Variants in FOXP2 observed in about 807,000 individuals in gnomAD.
The protein encoded by FOXP2 is forkhead box P2.
In FOXP2, 12 loss-of-function variants were observed where a neutral mutation model predicts 115.8. The ratio of observed to expected loss-of-function variants is 0.10; its 90% CI spans 0.07 to 0.17. The LOEUF (loss-of-function observed/expected upper bound fraction) is 0.17, where lower values mean the gene tolerates loss of function less well. Ranked by LOEUF, FOXP2 falls within the 10% of genes least tolerant of loss-of-function variation. The probability of loss-of-function intolerance (pLI) is 1.00; values close to 1 mark genes in which losing one functional copy is unlikely to be tolerated. For missense variants in FOXP2, 629 were observed against 843.5 expected (o/e 0.75, Z 3.15); for synonymous variants, 328 against 297.7 (o/e 1.10, Z -1.05).
intron 1 of FOXP2, among the ~76,000 whole-genome samples, chr7:114,114,160 C>T (rs1422474226): frequency 1.3e-5 from 2 of 151,644 alleles, no homozygotes; most frequent in Admixed American, 6.6e-5. Flanking sequence ...CCTAATTTGC[C>T]TTTGTGATTA....
intron 1 of FOXP2, among the ~76,000 whole-genome samples, chr7:114,151,172 TC>T (rs1466352666): frequency 1.3e-5 from 2 of 151,816 alleles, no homozygotes. Context: ...AGACTTTCCT[TC>T]CCCCTTCCCA....
chr7:114,130,772 G>A (rs1791852758), intron 1 of FOXP2, among the ~76,000 whole-genome samples: 1 of 152,150 alleles, frequency 6.6e-6, no homozygotes, highest in African/African-American at 2.4e-5. Context: ...AGGTATTTGA[G>A]AAAATTGGGA....
intron 1 of FOXP2, among the ~76,000 whole-genome samples, chr7:114,269,211 T>C (rs373768109): frequency 6.6e-6 from 1 of 152,150 alleles, no homozygotes; most frequent in Admixed American, 6.5e-5. Flanking sequence ...CAATATATGG[T>C]TGAATATAAA....
intron 2 of FOXP2, among the ~76,000 whole-genome samples, chr7:114,475,150 T>A (rs1310411632): frequency 6.6e-6 from 1 of 152,092 alleles, no homozygotes; most frequent in East Asian, 1.9e-4. Context: ...GTATGCTACA[T>A]GACATTTATT....
chr7:114,198,397 T>C (rs771194280), intron 1 of FOXP2, among the ~76,000 whole-genome samples: 1 of 152,188 alleles, frequency 6.6e-6, no homozygotes, highest in African/African-American at 2.4e-5. Flanking sequence ...TCCATTTTCC[T>C]GGAAAACAGT....
chr7:114,131,321 C>T (rs763425828), intron 1 of FOXP2, among the ~76,000 whole-genome samples: 1 of 152,142 alleles, frequency 6.6e-6, no homozygotes, highest in South Asian at 2.1e-4. Context: ...AAGTATTATG[C>T]TGAGTAAAAT....
intron 2 of FOXP2, among the ~76,000 whole-genome samples, chr7:114,404,606 G>T (rs188250390): frequency 1.3e-5 from 2 of 151,956 alleles, no homozygotes; most frequent in African/African-American, 4.8e-5. Context: ...AATCAAAATC[G>T]CCTTTTTAAA....
intron 3 of FOXP2, among the ~76,000 whole-genome samples, chr7:114,619,209 A>C (rs1177696141): frequency 7.1e-6 from 1 of 141,760 alleles, no homozygotes; most frequent in Non-Finnish European, 1.6e-5. Context: ...CTGGTGTGGT[A>C]TAATTGTTTG....
At chr7:114,266,190 T>C (rs1316889834) in intron 1 of FOXP2, among the ~76,000 whole-genome samples, 1 of 152,138 alleles carries the variant, frequency 6.6e-6, no homozygotes, top group Non-Finnish European at 1.5e-5. Context: ...CCCCTCATCT[T>C]CCTGTTTTCT....
At chr7:114,278,104 G>A (rs187931693) in intron 1 of FOXP2, among the ~76,000 whole-genome samples, 19 of 147,118 alleles carry the variant, frequency 1.3e-4, no homozygotes, top group Non-Finnish European at 1.6e-4. Context: ...GATGATGTAA[G>A]AATTATTCTC....
intron 2 of FOXP2, among the ~76,000 whole-genome samples, chr7:114,315,363 T>C (rs968376126): frequency 5.9e-5 from 9 of 152,150 alleles, no homozygotes; most frequent in Admixed American, 2.0e-4. Context: ...ATACAGGTAG[T>C]AAGTGGTTCA....
chr7:114,580,372 G>T (rs538789217), intron 3 of FOXP2, among the ~76,000 whole-genome samples: 21 of 152,316 alleles, frequency 1.4e-4, no homozygotes, highest in Middle Eastern at 3.4e-3. Flanking sequence ...GAGGTCAGGA[G>T]TTCGAGACCA....
intron 8 of FOXP2, 64 bp downstream of exon 8, chr7:114,644,853 T>C (rs895192939): frequency 6.2e-5 from 76 of 1,221,294 alleles, no homozygotes; most frequent in Non-Finnish European, 8.6e-5. Flanking sequence ...TTTAGGCACA[T>C]TGTAAATAAA....
intron 6 of FOXP2, among the ~76,000 whole-genome samples, chr7:114,633,447 T>G (rs946508455): frequency 9.2e-5 from 14 of 152,270 alleles, no homozygotes; most frequent in South Asian, 4.1e-4. Flanking sequence ...GAAAGGAAAG[T>G]AAATCTGAAA....
intron 1 of FOXP2, among the ~76,000 whole-genome samples, chr7:114,127,872 A>G (rs1791760129): frequency 6.6e-6 from 1 of 152,174 alleles, no homozygotes; most frequent in South Asian, 2.1e-4. Context: ...GTATTACACT[A>G]GCTATACGTT....
intron 1 of FOXP2, among the ~76,000 whole-genome samples, chr7:114,194,427 C>CT (rs762548155): frequency 1.2e-4 from 18 of 151,890 alleles, no homozygotes; most frequent in Non-Finnish European, 2.2e-4. Flanking sequence ...ATTACTTCTT[C>CT]TTAACATTGT....
chr7:114,203,054 A>G (rs1794111414), intron 1 of FOXP2, among the ~76,000 whole-genome samples: 2 of 152,040 alleles, frequency 1.3e-5, no homozygotes, highest in African/African-American at 4.8e-5. Flanking sequence ...CCTTCCAAAC[A>G]CTTCTTGCTA....
chr7:114,418,729 G>A (rs961268274), intron 1 of FOXP2, among the ~76,000 whole-genome samples: 2 of 151,128 alleles, frequency 1.3e-5, no homozygotes, highest in Admixed American at 6.6e-5. Context: ...AGAACCTGTC[G>A]ATCGCAAAGG....
intron 1 of FOXP2, among the ~76,000 whole-genome samples, chr7:114,425,424 G>C (rs1386633978): frequency 1.1e-4 from 16 of 151,528 alleles, no homozygotes; most frequent in Non-Finnish European, 2.4e-4. Flanking sequence ...AGCCAAAAAT[G>C]ATCTTTCTAA....
Sources: gnomAD v4.1 joint callset for allele counts (sites outside exome capture counted in the v4.1 genomes callset) on GRCh38, gnomAD v4.1.1 for gene constraint, MANE v1.5 for transcripts, NCBI Gene and HGNC (gene_info 2026-07-23, HGNC 2026-07-21) for gene names.